Variants in MAD1L1 observed in about 807,000 individuals in gnomAD.
MAD1L1 encodes the protein mitotic arrest deficient 1 like 1.
In MAD1L1, 95 loss-of-function variants were observed where a neutral mutation model predicts 96.9. That is an observed-to-expected ratio of 0.98 (90% CI 0.83 to 1.16). The LOEUF is 1.16. MAD1L1 is among the 50% of genes most tolerant of loss of function. The pLI is 0.00. For missense variants in MAD1L1, 1,007 were observed against 954.4 expected, an observed-to-expected ratio of 1.06 and a Z score of -0.73; for synonymous variants, 473 against 396.6, an observed-to-expected ratio of 1.19 and a Z score of -2.29.
At chr7:2,159,652 T>C (rs1177632848) in intron 10 of MAD1L1, among the ~76,000 whole-genome samples, 2 of 152,218 alleles carry the variant, frequency 1.3e-5, no homozygotes, top group Non-Finnish European at 2.9e-5. Flanking sequence ...AAAAAAATCA[T>C]ATCATTCCAG....
In MAD1L1 at chr7:2,142,589, C is replaced by G. The variant is rs1231523359; in HGVS notation, c.1073+6563G>C. 6.6e-6 allele frequency among the ~76,000 whole-genome samples: 1 copy of G among 152,230 alleles called. No individual in the cohort carries two copies. The highest frequency in any genetic ancestry group is 1.5e-5 in the Non-Finnish European group (1 of 68,040). Reference sequence around the variant, plus strand: ...CCACCCAGAGCTCCTGGCGCGTGCCCTGCCACAGCCCTGGACCAGACAGGC... The same window carrying G: ...CCACCCAGAGCTCCTGGCGCGTGCCGTGCCACAGCCCTGGACCAGACAGGC... On this transcript the variant is annotated intron_variant, in intron 11 of 18. Transcript: ENST00000265854. The surrounding 1 kb of genome is among the most constrained non-coding windows in gnomAD (Gnocchi z 4.7).
chr7:1,978,728 C>T (rs895139926), intron 15 of MAD1L1, among the ~76,000 whole-genome samples: 9 of 152,268 alleles, frequency 5.9e-5, no homozygotes, highest in Admixed American at 1.3e-4. Flanking sequence ...CAGGCTGTAA[C>T]GACAGAGCCT....
intron 15 of MAD1L1, 134 bp downstream of exon 15, chr7:1,980,319 G>A (rs928048248): frequency 1.1e-5 from 8 of 719,880 alleles, no homozygotes; most frequent in African/African-American, 1.8e-5. Flanking sequence ...ACACACCTGG[G>A]CGTATCCGCC....
At chr7:2,182,622 C>T (rs1337199718) in intron 10 of MAD1L1, among the ~76,000 whole-genome samples, 3 of 152,182 alleles carry the variant, frequency 2.0e-5, no homozygotes, top group Non-Finnish European at 4.4e-5. Context: ...GGTATGACCA[C>T]GTGCCATGTG....
intron 17 of MAD1L1, among the ~76,000 whole-genome samples, chr7:1,908,324 C>T (rs749835837): frequency 2.6e-5 from 4 of 152,204 alleles, no homozygotes; most frequent in African/African-American, 9.7e-5. Flanking sequence ...ACCATCAGAG[C>T]TGATGGGTAA....
At chr7:2,177,868 G>C (rs888631764) in intron 10 of MAD1L1, among the ~76,000 whole-genome samples, 2 of 152,224 alleles carry the variant, frequency 1.3e-5, no homozygotes, top group Admixed American at 1.3e-4. Context: ...AAGGACTGCA[G>C]CCGACATCGC....
At chr7:1,942,284 C>T (rs1213200237) in intron 16 of MAD1L1, among the ~76,000 whole-genome samples, 1 of 152,168 alleles carries the variant, frequency 6.6e-6, no homozygotes, top group Admixed American at 6.5e-5. Context: ...CAGAAGGAGG[C>T]CACGCCTGAG....
chr7:2,021,126 G>A (rs1023985503), intron 12 of MAD1L1, among the ~76,000 whole-genome samples: 2 of 152,216 alleles, frequency 1.3e-5, no homozygotes, highest in Admixed American at 1.3e-4. Flanking sequence ...AGGAAAACCA[G>A]AAGGAGAAGG....
intron 17 of MAD1L1, among the ~76,000 whole-genome samples, chr7:1,913,610 G>C (rs1788161410): frequency 6.6e-6 from 1 of 152,136 alleles, no homozygotes; most frequent in Non-Finnish European, 1.5e-5. Context: ...CTCTAGAAGT[G>C]GCGGGGAGGG....
rs377671265 is a variant in MAD1L1 at position 1,851,846 on chromosome 7, C to T, written c.1999-35618G>A. 7.8e-4 allele frequency among the ~76,000 whole-genome samples: 119 copies of T among 152,292 alleles called. 1 individual carries two copies. Among genetic ancestry groups the T allele is most frequent in the African/African-American group, 2.6e-3 (108 of 41,548 alleles). ...AAGGCCAGGCCTCCTAGGTGCTGCC[C>T]AGGGAGCTAGAGTCGCCTGCCTGCC... On this transcript the variant is annotated intron_variant, in intron 18 of 18. Transcript: ENST00000265854.
intron 12 of MAD1L1, among the ~76,000 whole-genome samples, chr7:2,061,743 T>C (rs1784670314): frequency 1.3e-5 from 2 of 152,252 alleles, no homozygotes; most frequent in African/African-American, 4.8e-5. Flanking sequence ...AACACCCCCA[T>C]GCTGGAAACC....
At chr7:2,174,423 G>A (rs970101367) in intron 10 of MAD1L1, among the ~76,000 whole-genome samples, 2 of 152,132 alleles carry the variant, frequency 1.3e-5, no homozygotes, top group Non-Finnish European at 2.9e-5. Context: ...GATCACAGAC[G>A]TTCATCCACT....
chr7:2,185,777 C>T (rs1347385899), intron 10 of MAD1L1, among the ~76,000 whole-genome samples: 1 of 152,132 alleles, frequency 6.6e-6, no homozygotes, highest in Non-Finnish European at 1.5e-5. Flanking sequence ...AGAAAAAAAT[C>T]GAAATAACAG....
rs1487493201 is a variant in MAD1L1 at position 1,848,943 on chromosome 7, T to C, written c.1999-32715A>G. The C allele has an allele frequency of 1.9e-5, 3 of 154,298 alleles. No homozygotes were observed. In the Admixed American group the frequency reaches 2.0e-4, roughly 10 times the overall value. The allele number at this position is 154,298 out of a possible 1,614,324, so 9.6% of individuals were successfully genotyped here. ...CTCACACTATTTTGAAATATAAAAA[T>C]AACACTCATCACCCATCACCCAGTC... On this transcript the variant is annotated intron_variant, in intron 18 of 18. Transcript: ENST00000265854.
chr7:1,979,129 C>G (rs772592626), intron 15 of MAD1L1, among the ~76,000 whole-genome samples: 3 of 152,188 alleles, frequency 2.0e-5, no homozygotes, highest in African/African-American at 7.2e-5. Context: ...AAAACTGGAA[C>G]CCCAGGGAGT....
chr7:2,206,108 G>A (rs1206377929), intron 10 of MAD1L1, among the ~76,000 whole-genome samples: 1 of 152,094 alleles, frequency 6.6e-6, no homozygotes, highest in Non-Finnish European at 1.5e-5. Context: ...CTCCAGCCTG[G>A]GCGACAGAGC....
At chr7:1,882,096 C>T (rs1785716525) in intron 18 of MAD1L1, among the ~76,000 whole-genome samples, 1 of 152,094 alleles carries the variant, frequency 6.6e-6, no homozygotes, top group Admixed American at 6.5e-5. Flanking sequence ...TGCACATCCA[C>T]CAGGAAGGTC....
chr7:2,114,089 T>C lies in MAD1L1; in HGVS notation c.1073+35063A>G, dbSNP rs1345868340. On this transcript the variant is annotated intron_variant, in intron 11 of 18. Transcript: ENST00000265854. This position sits in a 1 kb window ranked among gnomAD's most constrained non-coding sequence, Gnocchi z 4.2. ...CAGGCCTTACAGCTTCTGATAACTGTACACGGGCTCACAAGACGTTACCCT... is the reference window on the plus strand; with the variant it reads ...CAGGCCTTACAGCTTCTGATAACTGCACACGGGCTCACAAGACGTTACCCT... Among the ~76,000 whole-genome samples the C allele has an allele frequency of 6.6e-6, 1 of 152,188 alleles. No homozygotes were observed. The highest frequency in any genetic ancestry group is 2.4e-5 in the African/African-American group (1 of 41,446).
chr7:2,097,390 G>GA (rs1786548755), intron 11 of MAD1L1, among the ~76,000 whole-genome samples: 17 of 152,176 alleles, frequency 1.1e-4, no homozygotes, highest in Admixed American at 9.2e-4. Context: ...AGGCAGCGAG[G>GA]ACGTGGGGGC....
Sources: allele counts gnomAD v4.1 joint callset (sites outside exome capture counted in the v4.1 genomes callset), GRCh38; gene constraint gnomAD v4.1.1; non-coding constraint Gnocchi (gnomAD v3.1); transcripts MANE v1.5; gene names NCBI Gene and HGNC (gene_info 2026-07-23, HGNC 2026-07-21).